Variants in U2SURP observed in about 807,000 individuals in gnomAD.
The protein encoded by U2SURP is U2 snRNP-associated SURP motif-containing protein.
A neutral mutation model predicts 144.9 loss-of-function variants in U2SURP; 9 were observed. The observed-to-expected ratio is 0.06, with a 90% CI of 0.04 to 0.11. U2SURP has a LOEUF of 0.11. Ranked by LOEUF, U2SURP falls within the 10% of genes least tolerant of loss-of-function variation. The pLI is 1.00. For missense variants in U2SURP, 724 were observed against 1,226.7 expected (o/e 0.59, Z 6.12); for synonymous variants, 408 against 396.8 (o/e 1.03, Z -0.33).
rs1193460012 is a variant in U2SURP, at chr3:143,057,831, G to C, written c.*1381G>C. ...AACTTGTTTTACTTAATCTTGCCTAGTCACAAAATAAGATGTGCACCCATG... is the reference window on the plus strand; with the variant it reads ...AACTTGTTTTACTTAATCTTGCCTACTCACAAAATAAGATGTGCACCCATG... On this transcript the variant is annotated 3_prime_UTR_variant, in exon 28 of 28. Coordinates refer to ENST00000473835, the MANE Select transcript of U2SURP (RefSeq NM_001080415.2). 6.6e-6 allele frequency: 1 copy of C among 152,094 alleles called. No homozygotes were observed. The highest frequency in any genetic ancestry group is 1.5e-5 in the Non-Finnish European group (1 of 67,804). 9.4% of individuals were successfully genotyped at this position (152,094 alleles called of 1,614,324 possible).
At chr3:143,050,201 G>GCC (rs1934781650) in intron 24 of U2SURP, among the ~76,000 whole-genome samples, 4 of 152,100 alleles carry the variant, frequency 2.6e-5, no homozygotes, top group Non-Finnish European at 5.9e-5. Flanking sequence ...AGTCTCCCGA[G>GCC]TAGCTGGGAT....
At chr3:143,011,740 T>C (rs997982291) in intron 2 of U2SURP, among the ~76,000 whole-genome samples, 2 of 152,182 alleles carry the variant, frequency 1.3e-5, no homozygotes, top group Non-Finnish European at 2.9e-5. Context: ...GCAGTAAAAA[T>C]TATTACTATT....
rs1191361925 is a variant in U2SURP, at chr3:143,039,901, AATG to A, written c.2384+949_2384+951del. The stretch of plus-strand genomic sequence containing the variant: ...GTTGGTGTGATTAGAACAAGTCAGC[AATG>A]ATGATGACAAAATATTTACATAATG... On this transcript the variant is annotated intron_variant, in intron 23 of 27. Coordinates refer to ENST00000473835, the MANE Select transcript of U2SURP (RefSeq NM_001080415.2). Among the ~76,000 whole-genome samples, 73 of 152,042 alleles carry A rather than the reference AATG, an allele frequency of 4.8e-4. 1 individual carries two copies. The highest frequency in any genetic ancestry group is 4.1e-3 in the Admixed American group (63 of 15,268).
At chr3:143,047,602 G>T (rs1260694514) in intron 24 of U2SURP, among the ~76,000 whole-genome samples, 1 of 45,306 alleles carries the variant, frequency 2.2e-5, no homozygotes, top group Admixed American at 2.1e-4. Context: ...CCTCCCGGAC[G>T]GGGCGGCTGG....
At chr3:143,008,775 A>G (rs1413192297) in intron 1 of U2SURP, among the ~76,000 whole-genome samples, 2 of 152,080 alleles carry the variant, frequency 1.3e-5, no homozygotes, top group South Asian at 2.1e-4. Context: ...TTTTGTTACT[A>G]TTGTTTGTTT....
chr3:143,039,151 G>T (rs1369816495), intron 23 of U2SURP, among the ~76,000 whole-genome samples, 191 bp downstream of exon 23: 1 of 151,768 alleles, frequency 6.6e-6, no homozygotes, highest in South Asian at 2.1e-4. Flanking sequence ...GATGGATCTG[G>T]TTTCATTTTG....
At chr3:143,046,317 T>G (rs893287961) in intron 24 of U2SURP, among the ~76,000 whole-genome samples, 51 of 147,820 alleles carry the variant, frequency 3.5e-4, no homozygotes, top group Non-Finnish European at 6.4e-4. Context: ...ATTTTTATTT[T>G]TTTATTTTTT....
At chr3:143,017,236 A>G in intron 6 of U2SURP, 1 of 292,654 alleles carries the variant, frequency 3.4e-6, no homozygotes. Context: ...TCAAAAATTG[A>G]CTATATTGCA....
At chr3:143,043,829 C>T (rs528509580) in intron 24 of U2SURP, among the ~76,000 whole-genome samples, 64 of 148,734 alleles carry the variant, frequency 4.3e-4, no homozygotes, top group African/African-American at 7.5e-4. Flanking sequence ...AGTGCAGTGG[C>T]GCAGTCTCGG....
In U2SURP at chr3:143,022,486, C is replaced by T. The variant is rs766863135; in HGVS notation, c.853-11C>T. On this transcript the variant is annotated splice_polypyrimidine_tract_variant and intron_variant, in intron 10 of 27. Coordinates refer to ENST00000473835, the MANE Select transcript of U2SURP (RefSeq NM_001080415.2). ...TTTTGCATAATAAAAATCTTTTACC[C>T]TTTTTAATAGATGAATGAAGAAATG... is the stretch of plus-strand genomic sequence containing the variant. 6.1e-5 allele frequency: 93 copies of T among 1,518,824 alleles called. No homozygotes were observed. Among genetic ancestry groups the T allele is most frequent in the Non-Finnish European group, 7.7e-5 (87 of 1,131,902 alleles). The allele number at this position is 1,518,824 out of a possible 1,614,324, so 94.1% of individuals were successfully genotyped here.
chr3:143,031,998 T>C (rs1933527960), intron 16 of U2SURP, among the ~76,000 whole-genome samples: 1 of 152,194 alleles, frequency 6.6e-6, no homozygotes, highest in Non-Finnish European at 1.5e-5. Flanking sequence ...CTACATGTTG[T>C]CTGGCTGCTT....
In U2SURP at chr3:143,036,008, A is replaced by T. The variant is rs1314300689; in HGVS notation, c.1968A>T (p.Ala656=). The change falls in exon 20 of 28, where the codon GCA becomes GCT. Residue 656 remains alanine (A), a synonymous_variant. Transcript: ENST00000473835. The part of the protein sequence containing the change: ...FKQRVMTCFR[A]WEDWAIYPEP... ...AACGGGTAATGACTTGCTTCAGAGC[A>T]TGGGAAGATTGGGCAATTTATCCAG... 5 of 1,609,524 alleles carry T rather than the reference A, an allele frequency of 3.1e-6. No homozygotes were observed. Among genetic ancestry groups the T allele is most frequent in the Non-Finnish European group, 4.2e-6 (5 of 1,178,538 alleles).
intron 24 of U2SURP, among the ~76,000 whole-genome samples, chr3:143,050,156 C>T (rs1307764662): frequency 1.3e-5 from 2 of 152,132 alleles, no homozygotes; most frequent in East Asian, 3.8e-4. Flanking sequence ...TCACCGCAAC[C>T]TCCGCCCACC....
intron 13 of U2SURP, chr3:143,026,635 CCTTAAA>C (rs1385449042): frequency 1.3e-5 from 2 of 151,868 alleles, no homozygotes; most frequent in African/African-American, 4.8e-5. Context: ...TTAAATCAGG[CCTTAAA>C]CTTGTTAAAT....
At position 143,001,600 on chromosome 3, in the gene U2SURP, C is replaced by T. The variant is rs761670533; in HGVS notation, c.-29C>T. The T allele has an allele frequency of 3.5e-5, 56 of 1,613,200 alleles. No individual in the cohort carries two copies. The highest frequency in any genetic ancestry group is 4.7e-5 in the Non-Finnish European group (55 of 1,179,664). On this transcript the variant is annotated 5_prime_UTR_variant, in exon 1 of 28. Coordinates refer to ENST00000473835, the MANE Select transcript of U2SURP (RefSeq NM_001080415.2). ...GGTGCTCGACTCGCCCGTGCTGCTG[C>T]CGCCGCCGAAGGAGGGGCAAAGCTC...
rs1453455014 is a variant in U2SURP, at chr3:143,033,317, C to T, written c.1820C>T (p.Ala607Val). The change falls in exon 18 of 28, where the codon GCC becomes GTC. Residue 607 changes from alanine to valine, a missense_variant. Ala to Val is a moderately conservative substitution (Grantham distance 64). Transcript: ENST00000473835. ...TCTGATGTTTTGTACAACTCTTCAG[C>T]CAAAGTTGCTAATGCTTCATATTAT... ...LVSDVLYNSS[A>V]KVANASYYRK... 6.5e-7 allele frequency: 1 copy of T among 1,541,746 alleles called. No individual in the cohort carries two copies. Among genetic ancestry groups the T allele is most frequent in the Admixed American group, 2.0e-5 (1 of 50,880 alleles).
chr3:143,036,342 TAA>T (rs896558906), intron 20 of U2SURP, among the ~76,000 whole-genome samples: 9 of 151,062 alleles, frequency 6.0e-5, no homozygotes, highest in East Asian at 2.0e-4. Context: ...TTTAATGATA[TAA>T]GAGTTATGAT....
rs201644832 is a variant in U2SURP at position 143,056,488 on chromosome 3, G to A, written c.*38G>A. On this transcript the variant is annotated 3_prime_UTR_variant, in exon 28 of 28. Transcript: ENST00000473835. The stretch of plus-strand genomic sequence containing the variant: ...AGATGCTGTCACTTATTGGAAATGC[G>A]ATTTGTTTTGTGCCTGAACGGTCTG... 39 of 1,605,008 alleles carry A rather than the reference G, an allele frequency of 2.4e-5. No individual in the cohort carries two copies. The highest frequency in any genetic ancestry group is 3.2e-5 in the Non-Finnish European group (38 of 1,176,060).
chr3:143,045,482 C>T (rs1335907241), intron 24 of U2SURP, among the ~76,000 whole-genome samples: 1 of 151,928 alleles, frequency 6.6e-6, no homozygotes, highest in African/African-American at 2.4e-5. Flanking sequence ...CAAGCTATTC[C>T]CTCATATAAA....
Sources: allele counts gnomAD v4.1 joint callset (sites outside exome capture counted in the v4.1 genomes callset), GRCh38; gene constraint gnomAD v4.1.1; transcripts MANE v1.5; gene names NCBI Gene and HGNC (gene_info 2026-07-23, HGNC 2026-07-21).